LETM1: variants seen among roughly 807,000 people sequenced by gnomAD.
LETM1 encodes the protein leucine zipper and EF-hand containing transmembrane protein 1, also known as mitochondrial proton/calcium exchanger protein.
A neutral mutation model predicts 74.5 loss-of-function variants in LETM1; 50 were observed. That is an observed-to-expected ratio of 0.67 (90% confidence interval 0.53 to 0.85). The LOEUF is 0.85. Among genes scored for constraint, LETM1 ranks in the 40% least tolerant of loss-of-function variants. LETM1 has a pLI of 0.00. For synonymous variants in LETM1, 446 were observed against 407.1 expected (o/e 1.10, Z -1.15); for missense variants, 824 against 967.8 (o/e 0.85, Z 1.97).
chr4:1,815,597 G>A, intron 13 of LETM1, 67 bp downstream of exon 13: 1 of 1,579,428 alleles, frequency 6.3e-7, no homozygotes, highest in Non-Finnish European at 8.6e-7. Flanking sequence ...GCAATGAACA[G>A]TCCCCCTGCC....
At chr4:1,823,329 T>TG (rs1711858265) in intron 8 of LETM1, among the ~76,000 whole-genome samples, 198 bp from the exon 9 acceptor site, 1 of 149,944 alleles carries the variant, frequency 6.7e-6, no homozygotes, top group Non-Finnish European at 1.5e-5. Context: ...GCCCGATGAC[T>TG]CCTGACATGT....
chr4:1,814,637 G>T (rs1044100507), intron 13 of LETM1, 64 bp from the exon 14 acceptor site: 2 of 1,467,070 alleles, frequency 1.4e-6, no homozygotes, highest in Non-Finnish European at 1.9e-6. Flanking sequence ...AGGCAGAGGC[G>T]GGGCCAGCGC....
chr4:1,815,498 A>T (rs1381258425), intron 13 of LETM1, among the ~76,000 whole-genome samples, 166 bp downstream of exon 13: 1 of 152,182 alleles, frequency 6.6e-6, no homozygotes, highest in Non-Finnish European at 1.5e-5. Context: ...TGATGTTTCA[A>T]ATGAGAGCAG....
chr4:1,815,062 G>A lies in LETM1; in HGVS notation c.2071-489C>T, dbSNP rs534817789. ...ACCTGATGCATGCACCGGGAGCCACGAGGCAGCTTCCCCTCAGAGATGTCA... is the reference window on the plus strand; with the variant it reads ...ACCTGATGCATGCACCGGGAGCCACAAGGCAGCTTCCCCTCAGAGATGTCA... On this transcript the variant is annotated intron_variant, in intron 13 of 13. Coordinates refer to ENST00000302787, the MANE Select transcript of LETM1 (RefSeq NM_012318.3). 4.6e-5 allele frequency among the ~76,000 whole-genome samples: 7 copies of A among 152,338 alleles called. No individual in the cohort carries two copies. In the East Asian group the frequency reaches 7.7e-4, roughly 17 times the overall value.
chr4:1,830,270 A>G (rs570996651), intron 6 of LETM1, among the ~76,000 whole-genome samples: 46 of 152,264 alleles, frequency 3.0e-4, no homozygotes, highest in African/African-American at 1.1e-3. Flanking sequence ...TCTGCTGTTG[A>G]GCCCACCCAG....
intron 1 of LETM1, among the ~76,000 whole-genome samples, chr4:1,855,034 CA>C (rs36063053): frequency 5.9e-4 from 85 of 144,758 alleles, no homozygotes; most frequent in Admixed American, 3.5e-3. Flanking sequence ...AAAAAAACTA[CA>C]AAAAAAAAAA....
chr4:1,828,206 G>A (rs1475040700), intron 6 of LETM1, among the ~76,000 whole-genome samples: 7 of 130,900 alleles, frequency 5.3e-5, no homozygotes, highest in African/African-American at 1.2e-4. Context: ...CGGACGGGGC[G>A]GCTGGCCGGG....
At chr4:1,824,166 C>T (rs1456440130) in intron 7 of LETM1, among the ~76,000 whole-genome samples, 5 of 152,180 alleles carry the variant, frequency 3.3e-5, no homozygotes, top group Admixed American at 1.3e-4. Flanking sequence ...ACTAAAAATA[C>T]AAAAATTAGC....
intron 11 of LETM1, among the ~76,000 whole-genome samples, chr4:1,817,419 G>C (rs985325093): frequency 2.0e-5 from 3 of 151,868 alleles, no homozygotes; most frequent in Non-Finnish European, 4.4e-5. Context: ...AAATTAGCCA[G>C]GCGTGGTGGT....
intron 13 of LETM1, among the ~76,000 whole-genome samples, chr4:1,815,156 G>C (rs1332179613): frequency 6.6e-6 from 1 of 152,238 alleles, no homozygotes; most frequent in South Asian, 2.1e-4. Flanking sequence ...TGGATCCTGG[G>C]CCAGGGTCTC....
intron 1 of LETM1, among the ~76,000 whole-genome samples, chr4:1,853,983 ATTAT>A (rs768092535): frequency 3.9e-5 from 6 of 152,200 alleles, no homozygotes; most frequent in South Asian, 2.1e-4. Flanking sequence ...AATTATTATT[ATTAT>A]TTATCAAAAA....
chr4:1,823,514 G>T (rs1278791890), intron 8 of LETM1, 130 bp downstream of exon 8: 1 of 1,132,170 alleles, frequency 8.8e-7, no homozygotes. Flanking sequence ...GGGGGCACTC[G>T]CGAGGGGGTG....
chr4:1,820,626 C>T (rs751616450), intron 10 of LETM1, among the ~76,000 whole-genome samples: 3 of 152,194 alleles, frequency 2.0e-5, no homozygotes, highest in Non-Finnish European at 4.4e-5. Flanking sequence ...AGGACATCTG[C>T]ATATCAGGAA....
In LETM1 at chr4:1,811,562, T is replaced by C. The variant is rs921335942; in HGVS notation, c.*2862A>G. Reference sequence around the variant, plus strand: ...ACACGGCCCAGGACGGGCTGTCCGGTGGAGTCAGCCGTAGGACCCCTGAAG... The same window carrying C: ...ACACGGCCCAGGACGGGCTGTCCGGCGGAGTCAGCCGTAGGACCCCTGAAG... On this transcript the variant is annotated 3_prime_UTR_variant, in exon 14 of 14. Transcript: ENST00000302787. 5.3e-5 allele frequency: 8 copies of C among 152,340 alleles called. No individual in the cohort carries two copies. The highest frequency in any genetic ancestry group is 2.9e-5 in the Non-Finnish European group (2 of 68,054). The allele number at this position is 152,340 out of a possible 1,614,324, so 9.4% of individuals were successfully genotyped here.
At chr4:1,822,407 T>A (rs1381416186) in intron 9 of LETM1, 95 bp from the exon 10 acceptor site, 1 of 1,285,740 alleles carries the variant, frequency 7.8e-7, no homozygotes, top group Admixed American at 3.7e-5. Context: ...GAGGCCACAC[T>A]GGGAGCAGGC....
At chr4:1,820,184 C>T (rs533283694) in intron 10 of LETM1, among the ~76,000 whole-genome samples, 1 of 152,346 alleles carries the variant, frequency 6.6e-6, no homozygotes, top group Admixed American at 6.5e-5. Flanking sequence ...GATCCTCCCA[C>T]CTCGGCTTCC....
Position 1,834,963 on chromosome 4 carries a change from TC to T in LETM1, c.757del (p.Glu253SerfsTer21). The T allele has an allele frequency of 6.2e-7, 1 of 1,614,000 alleles. No individual in the cohort carries two copies. The highest frequency in any genetic ancestry group is 1.1e-5 in the South Asian group (1 of 91,082). On this transcript the variant is annotated frameshift_variant, in exon 5 of 14. Transcript: ENST00000302787. LOFTEE classifies it high-confidence loss of function. The surrounding 1 kb of genome is among the most constrained non-coding windows in gnomAD (Gnocchi z 5.0). ...GGCCAGCTCCAGCTTGACCCGAAGCTCCTTCTTCAGCCTCTCCTCCTGCAAG... is the reference window on the plus strand; with the variant it reads ...GGCCAGCTCCAGCTTGACCCGAAGCTCTTCTTCAGCCTCTCCTCCTGCAAG... ...QSLKEERLKKELRVKLELAKF... is the reference protein window; with the variant it reads ...QSLKEERLKKXLRVKLELAKF...
At chr4:1,825,416 G>T in intron 7 of LETM1, 148 bp downstream of exon 7, 1 of 921,060 alleles carries the variant, frequency 1.1e-6, no homozygotes, top group South Asian at 1.7e-5. Context: ...GCGAGAAACA[G>T]CCCAAACATC....
intron 12 of LETM1, 77 bp from the exon 13 acceptor site, chr4:1,815,879 G>C: frequency 1.9e-6 from 3 of 1,568,488 alleles, no homozygotes; most frequent in Non-Finnish European, 8.7e-7. Context: ...ACCTGTGGCT[G>C]CAAGTGGTCA....
Sources: allele counts gnomAD v4.1 joint callset (sites outside exome capture counted in the v4.1 genomes callset), GRCh38; gene constraint gnomAD v4.1.1; non-coding constraint Gnocchi (gnomAD v3.1); transcripts MANE v1.5; gene names NCBI Gene and HGNC (gene_info 2026-07-23, HGNC 2026-07-21).